The following FOCAD variants were observed in gnomAD, a reference collection of about 807,000 sequenced individuals.
FOCAD encodes focadhesin.
Under a neutral mutation model 225.6 loss-of-function variants are expected in FOCAD, and 198 were observed. The ratio of observed to expected loss-of-function variants is 0.88; its 90% CI spans 0.78 to 0.99. The LOEUF is 0.99. Ranked by LOEUF, FOCAD falls within the 50% of genes least tolerant of loss-of-function variation. The pLI, the probability that FOCAD is intolerant of heterozygous loss-of-function variation, is 0.00. For missense variants in FOCAD, 2,713 were observed against 2,123.6 expected, an observed-to-expected ratio of 1.28 and a Z score of -5.46; for synonymous variants, 897 against 755.0, an observed-to-expected ratio of 1.19 and a Z score of -3.08.
At chr9:20,732,357 A>G (rs1452438544) in intron 4 of FOCAD, among the ~76,000 whole-genome samples, 1 of 152,222 alleles carries the variant, frequency 6.6e-6, no homozygotes, top group African/African-American at 2.4e-5. Context: ...AGTAAATAAA[A>G]GTTGTCTAGG....
intron 2 of FOCAD, 80 bp downstream of exon 2, chr9:20,715,490 A>T (rs1825259954): frequency 1.7e-6 from 1 of 602,922 alleles, no homozygotes; most frequent in Non-Finnish European, 2.5e-6. Flanking sequence ...TATATATTTA[A>T]TATTAAATAT....
intron 28 of FOCAD, among the ~76,000 whole-genome samples, chr9:20,940,934 T>C (rs1438080183): frequency 6.6e-6 from 1 of 151,854 alleles, no homozygotes; most frequent in Non-Finnish European, 1.5e-5. Context: ...ATTTTTTTTC[T>C]GACATGCAAG....
chr9:20,850,860 G>T (rs936703094), intron 15 of FOCAD, among the ~76,000 whole-genome samples: 1 of 147,118 alleles, frequency 6.8e-6, no homozygotes, highest in African/African-American at 2.5e-5. Flanking sequence ...TGAAACTTCT[G>T]CAGTTTCTCT....
At chr9:20,978,694 A>G (rs1051384600) in intron 37 of FOCAD, among the ~76,000 whole-genome samples, 1 of 152,260 alleles carries the variant, frequency 6.6e-6, no homozygotes, top group Non-Finnish European at 1.5e-5. Context: ...AATGATGATC[A>G]GAGATATTAA....
rs139860299 is a variant in FOCAD, at chr9:20,966,564, A to G, written c.4133-9856A>G. Reference sequence around the variant, plus strand: ...CTTTTCTTTTGTTGCTCAGGTTTTTAATGCCATATCTGTGAATCCATTGCC... The same window carrying G: ...CTTTTCTTTTGTTGCTCAGGTTTTTGATGCCATATCTGTGAATCCATTGCC... On this transcript the variant is annotated intron_variant, in intron 35 of 43. Coordinates refer to ENST00000338382, the MANE Select transcript of FOCAD (RefSeq NM_001375567.1). Among the ~76,000 whole-genome samples, 60 of 152,216 alleles carry G rather than the reference A, an allele frequency of 3.9e-4. 1 individual carries two copies. In the East Asian group the frequency reaches 0.011, roughly 27 times the overall value.
At chr9:20,796,841 T>C (rs1821167849) in intron 11 of FOCAD, among the ~76,000 whole-genome samples, 1 of 151,814 alleles carries the variant, frequency 6.6e-6, no homozygotes, top group South Asian at 2.1e-4. Context: ...TTGTCAATTT[T>C]GGCTTTTGTT....
At chr9:20,947,426 C>T (rs995729264) in intron 30 of FOCAD, among the ~76,000 whole-genome samples, 3 of 152,110 alleles carry the variant, frequency 2.0e-5, no homozygotes, top group Non-Finnish European at 4.4e-5. Context: ...CTTTTACTTA[C>T]ATGAGCTGCG....
chr9:20,865,282 C>T (rs1829126797), intron 16 of FOCAD, among the ~76,000 whole-genome samples: 1 of 152,018 alleles, frequency 6.6e-6, no homozygotes, highest in Non-Finnish European at 1.5e-5. Flanking sequence ...TATACTGTTG[C>T]TTCCCATTGA....
chr9:20,802,566 CAATT>C (rs1384374465), intron 11 of FOCAD, among the ~76,000 whole-genome samples: 4 of 152,040 alleles, frequency 2.6e-5, no homozygotes, highest in African/African-American at 9.7e-5. Flanking sequence ...GTTGTTGACT[CAATT>C]AACACATAAA....
chr9:20,694,841 TC>T (rs1282507871), intron 1 of FOCAD, among the ~76,000 whole-genome samples: 1 of 152,206 alleles, frequency 6.6e-6, no homozygotes, highest in Non-Finnish European at 1.5e-5. Flanking sequence ...TAATACCAAT[TC>T]CTAAATATTA....
intron 28 of FOCAD, among the ~76,000 whole-genome samples, chr9:20,938,298 C>G (rs918257899): frequency 2.0e-5 from 3 of 152,076 alleles, no homozygotes; most frequent in Non-Finnish European, 4.4e-5. Context: ...TATTGCGGCA[C>G]TATTCACAAT....
intron 1 of FOCAD, among the ~76,000 whole-genome samples, chr9:20,692,210 T>C (rs770528540): frequency 6.6e-6 from 1 of 151,622 alleles, no homozygotes; most frequent in East Asian, 1.9e-4. Flanking sequence ...TGAAATTTCC[T>C]TTTTTACCTA....
chr9:20,770,869 C>CT (rs987181303), intron 8 of FOCAD, among the ~76,000 whole-genome samples: 30 of 152,152 alleles, frequency 2.0e-4, no homozygotes, highest in Admixed American at 5.2e-4. Context: ...ACCACTGTGA[C>CT]TTTTTTTTCA....
chr9:20,701,873 G>A (rs971878933), intron 1 of FOCAD, among the ~76,000 whole-genome samples: 1 of 152,162 alleles, frequency 6.6e-6, no homozygotes, highest in Admixed American at 6.5e-5. Flanking sequence ...CTGATAAGCT[G>A]CTTTGGGAAT....
intron 5 of FOCAD, among the ~76,000 whole-genome samples, chr9:20,747,347 A>G (rs1033973264): frequency 1.3e-5 from 2 of 152,168 alleles, no homozygotes; most frequent in African/African-American, 4.8e-5. Flanking sequence ...TTACATTAGC[A>G]GTATACTTAT....
intron 28 of FOCAD, 131 bp downstream of exon 28, chr9:20,933,234 G>A (rs1835653703): frequency 1.6e-6 from 1 of 639,536 alleles, no homozygotes; most frequent in East Asian, 3.0e-5. Context: ...GGGAACAGGT[G>A]GTGTTTGGTT....
chr9:20,685,001 TC>T (rs551109768), intron 1 of FOCAD, among the ~76,000 whole-genome samples: 93 of 152,354 alleles, frequency 6.1e-4, no homozygotes, highest in African/African-American at 2.1e-3. Flanking sequence ...TCCTGATATC[TC>T]AGTGTGGTTC....
rs1461480864 is a variant in FOCAD at position 20,838,299 on chromosome 9, TA to T, written c.1920+15188del. ...TTTTTTTTTTAATTTTGAGCTTTAT[TA>T]AAAGCTGGGCTTATTTCTTTTCACA... is the stretch of plus-strand genomic sequence containing the variant. On this transcript the variant is annotated intron_variant, in intron 15 of 43. Coordinates refer to ENST00000338382, the MANE Select transcript of FOCAD (RefSeq NM_001375567.1). 5.9e-5 allele frequency among the ~76,000 whole-genome samples: 9 copies of T among 152,120 alleles called. No homozygotes were observed. The East Asian group carries it at 7.8e-4, about 13-fold the overall frequency.
chr9:20,938,743 A>G (rs1409744564), intron 28 of FOCAD, among the ~76,000 whole-genome samples: 1 of 152,020 alleles, frequency 6.6e-6, no homozygotes, highest in Non-Finnish European at 1.5e-5. Flanking sequence ...GAAAAGAAAG[A>G]TTGTAGATAT....
Sources: gnomAD v4.1 joint callset for allele counts (sites outside exome capture counted in the v4.1 genomes callset) on GRCh38, gnomAD v4.1.1 for gene constraint, MANE v1.5 for transcripts, NCBI Gene and HGNC (gene_info 2026-07-23, HGNC 2026-07-21) for gene names.